The following WDR25 variants were observed in gnomAD, a reference collection of about 807,000 sequenced individuals.
WDR25 encodes the protein WD repeat domain 25, also known as WD repeat-containing protein 25.
A neutral mutation model predicts 47.7 loss-of-function variants in WDR25; 35 were observed. The ratio of observed to expected loss-of-function variants is 0.73; its 90% CI spans 0.56 to 0.97. The LOEUF (loss-of-function observed/expected upper bound fraction) is 0.97. WDR25 is among the 50% of genes least tolerant of loss of function. The pLI, the probability that WDR25 is intolerant of heterozygous loss-of-function variation, is 0.00. For synonymous variants in WDR25, 248 were observed against 278.9 expected, an observed-to-expected ratio of 0.89 and a Z score of 1.10; for missense variants, 634 against 704.7, an observed-to-expected ratio of 0.90 and a Z score of 1.14.
At chr14:100,384,594 G>A (rs1222026425) in intron 2 of WDR25, among the ~76,000 whole-genome samples, 1 of 152,192 alleles carries the variant, frequency 6.6e-6, no homozygotes, top group East Asian at 1.9e-4. Context: ...GTGATCTGGG[G>A]AAGGCAGTGT....
intron 2 of WDR25, among the ~76,000 whole-genome samples, chr14:100,427,048 T>C (rs1278451139): frequency 6.6e-6 from 1 of 152,132 alleles, no homozygotes. Flanking sequence ...GCCCGGTCCA[T>C]CAATGTGTCT....
rs1017132865 is a variant in WDR25, at chr14:100,499,335, G to A, written c.1101+15211G>A. On this transcript the variant is annotated intron_variant, in intron 4 of 6. Coordinates refer to ENST00000402312, the MANE Select transcript of WDR25 (RefSeq NM_001161476.3). This position sits in a 1 kb window ranked among gnomAD's most constrained non-coding sequence, Gnocchi z 4.4. ...ATTACTCAATATATTATACCAAGAT[G>A]TATTTAACCAGCCCTCTATTGTTGG... is the stretch of plus-strand genomic sequence containing the variant. 6.6e-6 allele frequency among the ~76,000 whole-genome samples: 1 copy of A among 152,186 alleles called. No homozygotes were observed. The highest frequency in any genetic ancestry group is 2.4e-5 in the African/African-American group (1 of 41,448).
At chr14:100,419,201 G>A (rs1463463560) in intron 2 of WDR25, among the ~76,000 whole-genome samples, 3 of 140,270 alleles carry the variant, frequency 2.1e-5, no homozygotes, top group South Asian at 4.5e-4. Flanking sequence ...CAGCCTGGGC[G>A]ACAGAACAAG....
In WDR25 at chr14:100,425,147, C is replaced by T. The variant is rs1898131768; in HGVS notation, c.823-42874C>T. On this transcript the variant is annotated intron_variant, in intron 2 of 6. Coordinates refer to ENST00000402312, the MANE Select transcript of WDR25 (RefSeq NM_001161476.3). The surrounding 1 kb of genome is among the most constrained non-coding windows in gnomAD (Gnocchi z 4.8). ...TAAAAACTGTGCACCTGGGTGTGTC[C>T]CTTGCTGGCCCCATGGCCTGCAGGG... Among the ~76,000 whole-genome samples, 1 of 152,220 alleles carries T rather than the reference C, an allele frequency of 6.6e-6. No individual in the cohort carries two copies. The highest frequency in any genetic ancestry group is 2.4e-5 in the African/African-American group (1 of 41,452).
chr14:100,522,910 T>G (rs2140386298), intron 4 of WDR25, among the ~76,000 whole-genome samples: 1 of 152,258 alleles, frequency 6.6e-6, no homozygotes, highest in South Asian at 2.1e-4. Context: ...CCTGCTGTGC[T>G]CCCACCTCCC....
In WDR25 at chr14:100,500,576, T is replaced by C. The variant is rs572500507; in HGVS notation, c.1101+16452T>C. On this transcript the variant is annotated intron_variant, in intron 4 of 6. Transcript: ENST00000402312. This position sits in a 1 kb window ranked among gnomAD's most constrained non-coding sequence, Gnocchi z 4.7. The stretch of plus-strand genomic sequence containing the variant: ...CCCTCAGTGCCCTAGTTAGTTTCTC[T>C]GGGGCTAGGCAGGGCCTGGGGTTTT... 6.6e-6 allele frequency among the ~76,000 whole-genome samples: 1 copy of C among 152,328 alleles called. No homozygotes were observed. The highest frequency in any genetic ancestry group is 2.1e-4 in the South Asian group (1 of 4,828).
At chr14:100,378,279 C>T (rs1327512521) in intron 1 of WDR25, among the ~76,000 whole-genome samples, 1 of 151,896 alleles carries the variant, frequency 6.6e-6, no homozygotes, top group African/African-American at 2.4e-5. Flanking sequence ...AAATGATTCT[C>T]CTGCCTCAGC....
At chr14:100,508,825 G>A (rs1021222502) in intron 4 of WDR25, among the ~76,000 whole-genome samples, 2 of 152,000 alleles carry the variant, frequency 1.3e-5, no homozygotes, top group Non-Finnish European at 2.9e-5. Flanking sequence ...ATATATTGGT[G>A]TTGAATTTTG....
intron 4 of WDR25, among the ~76,000 whole-genome samples, chr14:100,505,554 T>A (rs1351268247): frequency 6.6e-6 from 1 of 152,246 alleles, no homozygotes; most frequent in Non-Finnish European, 1.5e-5. Flanking sequence ...TCAAGATTTT[T>A]CTGGCTATTC....
At chr14:100,439,878 G>A (rs1244982555) in intron 2 of WDR25, among the ~76,000 whole-genome samples, 1 of 152,222 alleles carries the variant, frequency 6.6e-6, no homozygotes, top group Non-Finnish European at 1.5e-5. Flanking sequence ...ATGCTGCAGT[G>A]GATGGGAGTG....
chr14:100,459,972 A>C (rs1899349388), intron 2 of WDR25, among the ~76,000 whole-genome samples: 1 of 140,212 alleles, frequency 7.1e-6, no homozygotes, highest in East Asian at 2.0e-4. Context: ...ATACACACAA[A>C]CTCTTCTAGA....
At chr14:100,399,876 T>C (rs1897337172) in intron 2 of WDR25, among the ~76,000 whole-genome samples, 1 of 152,216 alleles carries the variant, frequency 6.6e-6, no homozygotes, top group African/African-American at 2.4e-5. Flanking sequence ...TGAAAAAGAC[T>C]TACTTGAATT....
intron 2 of WDR25, among the ~76,000 whole-genome samples, chr14:100,465,381 G>A (rs1899595528): frequency 6.6e-6 from 1 of 151,988 alleles, no homozygotes; most frequent in East Asian, 1.9e-4. Flanking sequence ...CCCAGCCCTG[G>A]CCACCACCAT....
At chr14:100,454,555 G>T in intron 2 of WDR25, 1 of 827,478 alleles carries the variant, frequency 1.2e-6, no homozygotes, top group Non-Finnish European at 1.7e-6. Context: ...AGGTATTGGA[G>T]AGCAAAAAAA....
Position 100,481,586 on chromosome 14 carries a change from A to G in WDR25, c.971-2408A>G, listed in dbSNP as rs139896107. ...TTCCATACATGGGGGGTTAGTTTTT[A>G]TATCCTATAATACAAAGCATGTTAA... On this transcript the variant is annotated intron_variant, in intron 3 of 6. Coordinates refer to ENST00000402312, the MANE Select transcript of WDR25 (RefSeq NM_001161476.3). 4.1e-4 allele frequency among the ~76,000 whole-genome samples: 62 copies of G among 152,068 alleles called. 1 individual carries two copies. The East Asian group carries it at 9.3e-3, about 23-fold the overall frequency.
At chr14:100,456,365 A>C (rs1899202962) in intron 2 of WDR25, among the ~76,000 whole-genome samples, 1 of 152,234 alleles carries the variant, frequency 6.6e-6, no homozygotes, top group East Asian at 1.9e-4. Flanking sequence ...TAAAGATTAC[A>C]AAACATGCAA....
In WDR25 at chr14:100,456,947, G is replaced by GTTTCT. The variant is rs201177372; in HGVS notation, c.823-11055_823-11051dup. On this transcript the variant is annotated intron_variant, in intron 2 of 6. Coordinates refer to ENST00000402312, the MANE Select transcript of WDR25 (RefSeq NM_001161476.3). ...GTTCACCAAGGTATATTATAATGAA[G>GTTTCT]TTTCTTTTCTTTTCTTTTCTTTTTT... is the stretch of plus-strand genomic sequence containing the variant. Among the ~76,000 whole-genome samples the GTTTCT allele has an allele frequency of 4.9e-3, 744 of 152,136 alleles. 9 individuals carry two copies. Among genetic ancestry groups the GTTTCT allele is most frequent in the African/African-American group, 0.017 (699 of 41,508 alleles).
Position 100,425,577 on chromosome 14 carries a change from T to G in WDR25, c.823-42444T>G, listed in dbSNP as rs1215620814. On this transcript the variant is annotated intron_variant, in intron 2 of 6. Transcript: ENST00000402312. The surrounding 1 kb of genome is among the most constrained non-coding windows in gnomAD (Gnocchi z 4.8). ...GAGGTCCCTGGCAGCCCAGCTCTCCTAAACATGAAGCTCATCAGGCAGCAC... is the reference window on the plus strand; with the variant it reads ...GAGGTCCCTGGCAGCCCAGCTCTCCGAAACATGAAGCTCATCAGGCAGCAC... 6.6e-6 allele frequency among the ~76,000 whole-genome samples: 1 copy of G among 152,204 alleles called. No homozygotes were observed. The highest frequency in any genetic ancestry group is 1.5e-5 in the Non-Finnish European group (1 of 68,016).
At chr14:100,484,479 T>C (rs936435476) in intron 4 of WDR25, among the ~76,000 whole-genome samples, 1 of 151,910 alleles carries the variant, frequency 6.6e-6, no homozygotes, top group African/African-American at 2.4e-5. Context: ...TGTGTGTGTG[T>C]GTGTGCGTGT....
Sources: gnomAD v4.1 joint callset for allele counts (sites outside exome capture counted in the v4.1 genomes callset) on GRCh38, gnomAD v4.1.1 for gene constraint, Gnocchi (gnomAD v3.1) non-coding constraint, MANE v1.5 for transcripts, NCBI Gene and HGNC (gene_info 2026-07-23, HGNC 2026-07-21) for gene names.